Variants in FAM110B observed in about 807,000 individuals in gnomAD.
FAM110B encodes family with sequence similarity 110 member B.
A neutral mutation model predicts 20.4 loss-of-function variants in FAM110B; 6 were observed. That is an observed-to-expected ratio of 0.29 (90% CI 0.16 to 0.58). The LOEUF is 0.58. Among genes scored for constraint, FAM110B ranks in the 20% least tolerant of loss-of-function variants. The pLI, the probability that FAM110B is intolerant of heterozygous loss-of-function variation, is 0.90. For synonymous variants in FAM110B, 226 were observed against 214.1 expected (o/e 1.06, Z -0.49); for missense variants, 434 against 498.2 (o/e 0.87, Z 1.23).
At position 58,148,385 on chromosome 8, in the gene FAM110B, C is replaced by T. The variant is rs185738097; in HGVS notation, c.*1042C>T. 17 of 167,126 alleles carry T rather than the reference C, an allele frequency of 1.0e-4. No individual in the cohort carries two copies. Among genetic ancestry groups the T allele is most frequent in the African/African-American group, 3.9e-4 (16 of 41,542 alleles). The allele number at this position is 167,126 out of a possible 1,614,324, so 10.4% of individuals were successfully genotyped here. ...TGAACCATATCTGAGCAGCGTGATT[C>T]TGTTGTCTTGCATATGTTATTCTCT... is the stretch of plus-strand genomic sequence containing the variant. On this transcript the variant is annotated 3_prime_UTR_variant, in exon 4 of 4. Transcript: ENST00000519262.
chr8:58,058,009 G>A (rs1805583061), intron 2 of FAM110B, among the ~76,000 whole-genome samples: 1 of 152,196 alleles, frequency 6.6e-6, no homozygotes, highest in Non-Finnish European at 1.5e-5. Flanking sequence ...GGGCCGTGGG[G>A]AGAGGCTATT....
chr8:58,039,966 AT>A (rs1349942735), intron 2 of FAM110B, among the ~76,000 whole-genome samples: 5 of 151,820 alleles, frequency 3.3e-5, no homozygotes, highest in East Asian at 1.9e-4. Flanking sequence ...AATATTTAAA[AT>A]TTTTTTAATT....
intron 3 of FAM110B, among the ~76,000 whole-genome samples, chr8:58,144,600 AGG>A (rs1276615712): frequency 1.3e-5 from 2 of 152,248 alleles, no homozygotes; most frequent in Admixed American, 6.5e-5. Context: ...TAAGAATTTC[AGG>A]AAATTATAAG....
intron 3 of FAM110B, among the ~76,000 whole-genome samples, chr8:58,133,608 G>A (rs757823388): frequency 1.6e-4 from 25 of 152,208 alleles, no homozygotes; most frequent in Non-Finnish European, 3.5e-4. Flanking sequence ...TCAAGGAGGG[G>A]AGGAGATTCC....
intron 3 of FAM110B, among the ~76,000 whole-genome samples, chr8:58,129,606 A>G (rs1339386678): frequency 6.6e-6 from 1 of 152,132 alleles, no homozygotes; most frequent in African/African-American, 2.4e-5. Context: ...CTTCTCATAC[A>G]TGCTGTATGA....
At chr8:58,105,089 G>C (rs1806875650) in intron 3 of FAM110B, among the ~76,000 whole-genome samples, 1 of 151,722 alleles carries the variant, frequency 6.6e-6, no homozygotes, top group Admixed American at 6.6e-5. Flanking sequence ...AGTGGAACTA[G>C]GTGCCTTGGG....
chr8:58,057,247 G>A (rs1805564607), intron 2 of FAM110B, among the ~76,000 whole-genome samples: 1 of 152,154 alleles, frequency 6.6e-6, no homozygotes, highest in African/African-American at 2.4e-5. Context: ...GCTCTCCAGG[G>A]TGACCTGGCT....
At chr8:58,103,042 A>G (rs1806821689) in intron 3 of FAM110B, among the ~76,000 whole-genome samples, 1 of 151,426 alleles carries the variant, frequency 6.6e-6, no homozygotes, top group Admixed American at 6.6e-5. Context: ...TGAATTAAAC[A>G]GCTTTGCAAG....
At chr8:58,040,130 A>G (rs1031204707) in intron 2 of FAM110B, among the ~76,000 whole-genome samples, 1 of 151,836 alleles carries the variant, frequency 6.6e-6, no homozygotes, top group Non-Finnish European at 1.5e-5. Context: ...GGAATTGGTC[A>G]GCGCTTCTTC....
At chr8:58,048,112 A>G (rs1256552478) in intron 2 of FAM110B, among the ~76,000 whole-genome samples, 2 of 152,206 alleles carry the variant, frequency 1.3e-5, no homozygotes, top group African/African-American at 4.8e-5. Context: ...TCATTATTAC[A>G]GAAGTAACTC....
chr8:58,124,596 C>A (rs1039575030), intron 3 of FAM110B, among the ~76,000 whole-genome samples: 2 of 152,144 alleles, frequency 1.3e-5, no homozygotes, highest in Non-Finnish European at 2.9e-5. Context: ...GAAGGCGCAT[C>A]CTAAATATGC....
At chr8:58,014,630 A>G (rs533670925) in intron 1 of FAM110B, among the ~76,000 whole-genome samples, 41 of 152,360 alleles carry the variant, frequency 2.7e-4, no homozygotes, top group African/African-American at 8.9e-4. Context: ...TCTTCAGTGC[A>G]GTTCCTAATT....
chr8:58,081,485 G>A (rs899872435), intron 3 of FAM110B, among the ~76,000 whole-genome samples: 13 of 152,196 alleles, frequency 8.5e-5, no homozygotes, highest in African/African-American at 3.1e-4. Flanking sequence ...GGGATTATAG[G>A]CGTGAGCCAC....
chr8:58,014,893 T>C (rs1368038122), intron 1 of FAM110B, among the ~76,000 whole-genome samples: 1 of 152,246 alleles, frequency 6.6e-6, no homozygotes, highest in Non-Finnish European at 1.5e-5. Flanking sequence ...GTAGTGATTA[T>C]TAGAAATTTT....
intron 2 of FAM110B, among the ~76,000 whole-genome samples, chr8:58,058,897 G>A (rs144631956): frequency 8.0e-4 from 121 of 152,146 alleles, no homozygotes; most frequent in Non-Finnish European, 1.3e-3. Context: ...AGGTAATCAC[G>A]CTAATAAACA....
intron 3 of FAM110B, among the ~76,000 whole-genome samples, chr8:58,106,638 C>G (rs1046200100): frequency 2.0e-5 from 3 of 152,040 alleles, no homozygotes; most frequent in African/African-American, 7.2e-5. Context: ...CAAAGATATC[C>G]CATAGGAAGT....
chr8:58,079,732 G>A (rs1159022057), intron 3 of FAM110B, among the ~76,000 whole-genome samples: 3 of 151,834 alleles, frequency 2.0e-5, no homozygotes, highest in Non-Finnish European at 2.9e-5. Flanking sequence ...AGTGAGCTAC[G>A]ATCATGCCAC....
At chr8:58,136,642 G>C (rs16923110) in intron 3 of FAM110B, among the ~76,000 whole-genome samples, 4,804 of 152,198 alleles carry the variant, frequency 0.032, 246 homozygotes, top group African/African-American at 0.11. Flanking sequence ...ACTGATTTCT[G>C]TAATCCCAGG....
At chr8:58,064,776 A>G (rs1805728684) in intron 2 of FAM110B, among the ~76,000 whole-genome samples, 1 of 152,250 alleles carries the variant, frequency 6.6e-6, no homozygotes. Flanking sequence ...TGAAGCATAG[A>G]AAAGTTAAGT....
Sources: allele counts gnomAD v4.1 joint callset (sites outside exome capture counted in the v4.1 genomes callset), GRCh38; gene constraint gnomAD v4.1.1; transcripts MANE v1.5; gene names NCBI Gene and HGNC (gene_info 2026-07-23, HGNC 2026-07-21).